CNTNAP2: variants seen among roughly 807,000 people sequenced by gnomAD.
CNTNAP2 encodes contactin associated protein 2.
In CNTNAP2, 98 loss-of-function variants were observed where a neutral mutation model predicts 155.2. The ratio of observed to expected loss-of-function variants is 0.63; its 90% CI spans 0.54 to 0.75. CNTNAP2 has a LOEUF of 0.75. CNTNAP2 is among the 30% of genes least tolerant of loss of function. CNTNAP2 has a pLI of 0.00. For synonymous variants in CNTNAP2, 651 were observed against 631.2 expected, an observed-to-expected ratio of 1.03 and a Z score of -0.47; for missense variants, 1,727 against 1,688.1, an observed-to-expected ratio of 1.02 and a Z score of -0.40.
At chr7:147,564,271 T>C (rs74504864) in intron 12 of CNTNAP2, among the ~76,000 whole-genome samples, 21,509 of 151,968 alleles carry the variant, frequency 0.14, 1,748 homozygotes, top group East Asian at 0.36. Context: ...CCAGTTTAAT[T>C]TTTTTTTCTA....
intron 3 of CNTNAP2, among the ~76,000 whole-genome samples, chr7:147,027,004 G>GAAAAAAAAAAAAACAAAAAAAAAAAA (rs1798934918): frequency 6.7e-4 from 45 of 67,146 alleles, no homozygotes; most frequent in Non-Finnish European, 9.0e-4. Flanking sequence ...AAACAGAACA[G>GAAAAAAAAAAAAACAAAAAAAAAAAA]AAAAAAAAAA....
At chr7:147,419,060 A>T (rs189294733) in intron 10 of CNTNAP2, among the ~76,000 whole-genome samples, 48 of 152,286 alleles carry the variant, frequency 3.2e-4, no homozygotes, top group Non-Finnish European at 1.5e-4. Context: ...ATGAAGAAAG[A>T]TTTCCAATGC....
intron 1 of CNTNAP2, among the ~76,000 whole-genome samples, chr7:146,287,087 A>G (rs993440936): frequency 2.0e-5 from 3 of 152,230 alleles, no homozygotes; most frequent in African/African-American, 7.2e-5. Context: ...TGTGAACTTA[A>G]AGTAAAAGCA....
At chr7:147,290,524 T>TA (rs1225510478) in intron 8 of CNTNAP2, among the ~76,000 whole-genome samples, 1 of 151,394 alleles carries the variant, frequency 6.6e-6, no homozygotes, top group Non-Finnish European at 1.5e-5. Flanking sequence ...CTACTAAAAT[T>TA]ACAAAAAAAT....
intron 21 of CNTNAP2, among the ~76,000 whole-genome samples, chr7:148,362,862 T>C (rs1381497049): frequency 6.6e-6 from 1 of 152,218 alleles, no homozygotes; most frequent in East Asian, 1.9e-4. Flanking sequence ...ACTTACAACA[T>C]TTTTACTTTA....
chr7:146,907,045 G>C (rs1288005202), intron 3 of CNTNAP2, among the ~76,000 whole-genome samples: 1 of 150,516 alleles, frequency 6.6e-6, no homozygotes, highest in Non-Finnish European at 1.5e-5. Context: ...CGGAAGAAAG[G>C]GTATCAGCGA....
At chr7:147,717,491 C>T (rs978749850) in intron 13 of CNTNAP2, among the ~76,000 whole-genome samples, 1 of 152,112 alleles carries the variant, frequency 6.6e-6, no homozygotes, top group Non-Finnish European at 1.5e-5. Flanking sequence ...AGGGAAATAG[C>T]AGAGTAAAAT....
chr7:147,132,217 C>G, intron 7 of CNTNAP2, 28 bp from the exon 8 acceptor site: 1 of 1,612,904 alleles, frequency 6.2e-7, no homozygotes, highest in Non-Finnish European at 8.5e-7. Context: ...TCTGTGTTTT[C>G]CTCAGAGCCT....
intron 4 of CNTNAP2, among the ~76,000 whole-genome samples, chr7:147,074,059 T>A (rs1318167307): frequency 6.6e-6 from 1 of 152,200 alleles, no homozygotes; most frequent in East Asian, 1.9e-4. Flanking sequence ...TATATGACAG[T>A]TCACTAGCTA....
At chr7:147,754,791 A>C (rs1215201474) in intron 13 of CNTNAP2, among the ~76,000 whole-genome samples, 3 of 152,226 alleles carry the variant, frequency 2.0e-5, no homozygotes, top group Non-Finnish European at 4.4e-5. Flanking sequence ...AAATGGGAGC[A>C]GGGAGAATAG....
chr7:148,116,482 C>T (rs1804474950), intron 15 of CNTNAP2, among the ~76,000 whole-genome samples: 1 of 151,610 alleles, frequency 6.6e-6, no homozygotes, highest in African/African-American at 2.4e-5. Context: ...TCTCTCCAAC[C>T]CCGCACCCCA....
At chr7:146,723,628 A>C (rs562897246) in intron 1 of CNTNAP2, among the ~76,000 whole-genome samples, 10 of 152,334 alleles carry the variant, frequency 6.6e-5, no homozygotes, top group Non-Finnish European at 1.3e-4. Context: ...CTATTAAGGT[A>C]ATTTAAAGAA....
chr7:146,906,553 A>G (rs1796132626), intron 3 of CNTNAP2, among the ~76,000 whole-genome samples: 2 of 152,076 alleles, frequency 1.3e-5, no homozygotes, highest in Non-Finnish European at 2.9e-5. Flanking sequence ...CTGACACCTC[A>G]CACAGCAGGG....
At chr7:147,239,646 C>A (rs1803896013) in intron 8 of CNTNAP2, among the ~76,000 whole-genome samples, 1 of 151,844 alleles carries the variant, frequency 6.6e-6, no homozygotes, top group Non-Finnish European at 1.5e-5. Flanking sequence ...AAATACAGTA[C>A]AGTTTAAGGA....
At chr7:147,204,203 A>C (rs1802975484) in intron 8 of CNTNAP2, among the ~76,000 whole-genome samples, 1 of 152,048 alleles carries the variant, frequency 6.6e-6, no homozygotes, top group African/African-American at 2.4e-5. Flanking sequence ...ATATATATGA[A>C]AAAATATATG....
intron 9 of CNTNAP2, among the ~76,000 whole-genome samples, chr7:147,354,497 C>T (rs1279307254): frequency 2.0e-5 from 3 of 152,002 alleles, no homozygotes; most frequent in South Asian, 2.1e-4. Flanking sequence ...TGGTCTATAT[C>T]TCTGTTTTGG....
chr7:147,484,293 T>A (rs1450706923), intron 10 of CNTNAP2, among the ~76,000 whole-genome samples: 1 of 152,200 alleles, frequency 6.6e-6, no homozygotes, highest in Non-Finnish European at 1.5e-5. Context: ...TATTGTATTT[T>A]TCCCCAATGT....
chr7:148,322,903 C>T (rs1797820273), intron 21 of CNTNAP2, among the ~76,000 whole-genome samples: 1 of 150,626 alleles, frequency 6.6e-6, no homozygotes, highest in South Asian at 2.1e-4. Flanking sequence ...ATCCATCCTT[C>T]AAAGCCCAGG....
At chr7:146,632,617 T>G (rs2129159074) in intron 1 of CNTNAP2, among the ~76,000 whole-genome samples, 1 of 152,188 alleles carries the variant, frequency 6.6e-6, no homozygotes, top group Non-Finnish European at 1.5e-5. Context: ...AAAGATAAGT[T>G]CTTAACCATA....
Sources: allele counts gnomAD v4.1 joint callset (sites outside exome capture counted in the v4.1 genomes callset), GRCh38; gene constraint gnomAD v4.1.1; transcripts MANE v1.5; gene names NCBI Gene and HGNC (gene_info 2026-07-23, HGNC 2026-07-21).